Variants in SGCZ observed in about 807,000 individuals in gnomAD.
SGCZ encodes the protein sarcoglycan zeta.
Under a neutral mutation model 41.3 loss-of-function variants are expected in SGCZ, and 40 were observed. The observed-to-expected ratio is 0.97, with a 90% CI of 0.75 to 1.26. The LOEUF is 1.26. Ranked by LOEUF, SGCZ falls within the 50% of genes most tolerant of loss-of-function variation. SGCZ has a pLI of 0.00. For synonymous variants in SGCZ, 206 were observed against 137.5 expected, an observed-to-expected ratio of 1.50 and a Z score of -3.49; for missense variants, 552 against 369.8, an observed-to-expected ratio of 1.49 and a Z score of -4.04.
chr8:14,526,223 G>C (rs1190321658), intron 2 of SGCZ, among the ~76,000 whole-genome samples: 1 of 152,026 alleles, frequency 6.6e-6, no homozygotes, highest in Non-Finnish European at 1.5e-5. Context: ...ATATTTGACA[G>C]CAATGTTATG....
At chr8:15,179,974 T>G (rs554223193) in intron 1 of SGCZ, among the ~76,000 whole-genome samples, 1 of 152,324 alleles carries the variant, frequency 6.6e-6, no homozygotes, top group African/African-American at 2.4e-5. Context: ...CATTGAAATT[T>G]AGGTCAAAAT....
Position 15,115,926 on chromosome 8 carries a change from T to C in SGCZ, c.39+121659A>G, listed in dbSNP as rs181090441. Among the ~76,000 whole-genome samples the C allele has an allele frequency of 7.4e-4, 112 of 152,358 alleles. 1 individual carries two copies. Among genetic ancestry groups the C allele is most frequent in the Non-Finnish European group, 1.1e-3 (74 of 68,032 alleles). On this transcript the variant is annotated intron_variant, in intron 1 of 7. Coordinates refer to ENST00000382080, the MANE Select transcript of SGCZ (RefSeq NM_139167.4). ...CAGTTAAACTACAAGCTGAAGCCTC[T>C]ATAATAGTTCAGCAAACTTTAATAG...
chr8:15,169,004 C>G (rs146356000), intron 1 of SGCZ, among the ~76,000 whole-genome samples: 3 of 152,266 alleles, frequency 2.0e-5, no homozygotes, highest in African/African-American at 7.2e-5. Flanking sequence ...TGTCTTTACC[C>G]CTTGCCTTGT....
Position 15,070,018 on chromosome 8 carries a change from G to T in SGCZ, c.39+167567C>A, listed in dbSNP as rs531922027. On this transcript the variant is annotated intron_variant, in intron 1 of 7. Coordinates refer to ENST00000382080, the MANE Select transcript of SGCZ (RefSeq NM_139167.4). ...TTAGGCAAATAAGTATGTTGTTTTT[G>T]GTGTTAAGATTCCCTGCCTGATCAA... Among the ~76,000 whole-genome samples, 1,418 of 152,072 alleles carry T rather than the reference G, an allele frequency of 9.3e-3. 14 individuals carry two copies. The highest frequency in any genetic ancestry group is 0.015 in the South Asian group (72 of 4,816).
At position 14,497,630 on chromosome 8, in the gene SGCZ, T is replaced by C. The variant is rs551536641; in HGVS notation, c.234+57102A>G. 2.6e-5 allele frequency among the ~76,000 whole-genome samples: 4 copies of C among 151,998 alleles called. No individual in the cohort carries two copies. The South Asian group carries it at 6.2e-4, about 24-fold the overall frequency. On this transcript the variant is annotated intron_variant, in intron 2 of 7. Coordinates refer to ENST00000382080, the MANE Select transcript of SGCZ (RefSeq NM_139167.4). ...AGAGCTCATCAGCTATTGTTAGTGT[T>C]AGTGTATTTTATGTGTGGCCCAAGA...
chr8:15,108,240 A>C (rs915458987), intron 1 of SGCZ, among the ~76,000 whole-genome samples: 2 of 152,218 alleles, frequency 1.3e-5, no homozygotes, highest in African/African-American at 4.8e-5. Flanking sequence ...TGAAATTAGT[A>C]ATATGGGTTT....
intron 1 of SGCZ, among the ~76,000 whole-genome samples, chr8:15,143,721 T>A (rs1798961725): frequency 6.6e-6 from 1 of 152,218 alleles, no homozygotes; most frequent in Non-Finnish European, 1.5e-5. Flanking sequence ...TTCCTTATAA[T>A]TTAGTTATTG....
At chr8:14,199,253 T>C (rs943213395) in intron 4 of SGCZ, among the ~76,000 whole-genome samples, 1 of 152,150 alleles carries the variant, frequency 6.6e-6, no homozygotes, top group Non-Finnish European at 1.5e-5. Context: ...ATGGCTGTCA[T>C]AGCGGACAGA....
intron 2 of SGCZ, among the ~76,000 whole-genome samples, chr8:14,474,152 A>G (rs73525354): frequency 0.011 from 1,741 of 152,242 alleles, 31 homozygotes; most frequent in African/African-American, 0.039. Flanking sequence ...GCAACAACAC[A>G]ATTTAATATT....
chr8:14,198,409 CAAA>C, intron 4 of SGCZ, among the ~76,000 whole-genome samples: 1 of 151,740 alleles, frequency 6.6e-6, no homozygotes, highest in Middle Eastern at 3.4e-3. Context: ...TATTTTAAGT[CAAA>C]AAAGGAACAA....
intron 2 of SGCZ, among the ~76,000 whole-genome samples, chr8:14,511,857 G>C (rs1802477405): frequency 6.6e-6 from 1 of 152,022 alleles, no homozygotes; most frequent in Non-Finnish European, 1.5e-5. Context: ...AAAGGACAGG[G>C]TATCCCTTGA....
At chr8:14,907,436 C>T (rs909905513) in intron 1 of SGCZ, among the ~76,000 whole-genome samples, 1 of 152,118 alleles carries the variant, frequency 6.6e-6, no homozygotes, top group African/African-American at 2.4e-5. Context: ...GATCCTCCTG[C>T]CTCAGCCTCT....
intron 4 of SGCZ, among the ~76,000 whole-genome samples, chr8:14,177,610 T>C (rs1004954733): frequency 4.6e-5 from 7 of 151,258 alleles, no homozygotes; most frequent in African/African-American, 1.5e-4. Flanking sequence ...CCCGGGTTCA[T>C]GCCATTCTCC....
chr8:14,370,105 G>C (rs1227028498), intron 2 of SGCZ, among the ~76,000 whole-genome samples: 1 of 151,964 alleles, frequency 6.6e-6, no homozygotes, highest in Non-Finnish European at 1.5e-5. Context: ...GTAAGATGAA[G>C]GGGTAAGATG....
At chr8:14,821,517 A>C (rs767293754) in intron 1 of SGCZ, among the ~76,000 whole-genome samples, 1 of 152,010 alleles carries the variant, frequency 6.6e-6, no homozygotes, top group Non-Finnish European at 1.5e-5. Flanking sequence ...TTAAAAAAAT[A>C]TATAATATAG....
intron 1 of SGCZ, among the ~76,000 whole-genome samples, chr8:14,587,041 A>C (rs1347404931): frequency 6.6e-6 from 1 of 152,006 alleles, no homozygotes; most frequent in Non-Finnish European, 1.5e-5. Context: ...AAAAAAACAA[A>C]ATAAACTTGG....
At chr8:14,714,442 G>A (rs774864314) in intron 1 of SGCZ, among the ~76,000 whole-genome samples, 3 of 152,076 alleles carry the variant, frequency 2.0e-5, no homozygotes, top group Middle Eastern at 3.4e-3. Context: ...AACTTTAACT[G>A]GCATTTAAAA....
chr8:14,178,225 AT>A (rs1476290616), intron 4 of SGCZ, among the ~76,000 whole-genome samples: 1 of 152,136 alleles, frequency 6.6e-6, no homozygotes, highest in Non-Finnish European at 1.5e-5. Context: ...AAGTGCTGGG[AT>A]TACAGGCTTG....
At chr8:15,114,968 G>A (rs902355508) in intron 1 of SGCZ, among the ~76,000 whole-genome samples, 3 of 152,030 alleles carry the variant, frequency 2.0e-5, no homozygotes, top group Non-Finnish European at 2.9e-5. Context: ...GTAAGGATGT[G>A]CAAGCAAGCT....
Sources: allele counts gnomAD v4.1 joint callset (sites outside exome capture counted in the v4.1 genomes callset), GRCh38; gene constraint gnomAD v4.1.1; transcripts MANE v1.5; gene names NCBI Gene and HGNC (gene_info 2026-07-23, HGNC 2026-07-21).